Variants in CSMD1 observed in about 807,000 individuals in gnomAD.
The protein encoded by CSMD1 is CUB and Sushi multiple domains 1, also known as CUB and sushi domain-containing protein 1.
Under a neutral mutation model 417.5 loss-of-function variants are expected in CSMD1, and 213 were observed. The observed-to-expected ratio is 0.51, with a 90% CI of 0.46 to 0.57. The LOEUF is 0.57. CSMD1 is among the 20% of genes least tolerant of loss of function. The pLI is 0.00. For synonymous variants in CSMD1, 2,862 were observed against 1,736.8 expected, an observed-to-expected ratio of 1.65 and a Z score of -16.11; for missense variants, 6,923 against 4,529.7, an observed-to-expected ratio of 1.53 and a Z score of -15.17.
At chr8:4,787,358 T>A in intron 1 of CSMD1, 2 of 730,790 alleles carry the variant, frequency 2.7e-6, no homozygotes, top group Non-Finnish European at 5.0e-6. Flanking sequence ...TACTGAACAC[T>A]GGTAAAAAAT....
At chr8:4,154,545 A>G (rs1382739821) in intron 3 of CSMD1, among the ~76,000 whole-genome samples, 1 of 152,208 alleles carries the variant, frequency 6.6e-6, no homozygotes, top group East Asian at 1.9e-4. Context: ...AAGCCAGGAC[A>G]CTATGCTTCT....
At position 4,685,508 on chromosome 8, in the gene CSMD1, G is replaced by A. The variant is rs184231048; in HGVS notation, c.86-47950C>T. Among the ~76,000 whole-genome samples, 7 of 152,072 alleles carry A rather than the reference G, an allele frequency of 4.6e-5. No individual in the cohort carries two copies. In the South Asian group the frequency reaches 6.2e-4, roughly 14 times the overall value. On this transcript the variant is annotated intron_variant, in intron 1 of 69. Transcript: ENST00000635120. The stretch of plus-strand genomic sequence containing the variant: ...GAGAATCGCTTAGAACTCAGGAGGC[G>A]GAGGTTGCAGTGAGTCGAGATCACA...
intron 5 of CSMD1, among the ~76,000 whole-genome samples, chr8:3,859,203 G>C (rs751486489): frequency 6.6e-6 from 1 of 152,150 alleles, no homozygotes; most frequent in African/African-American, 2.4e-5. Context: ...CGTAGCAGAG[G>C]AGTACGTGGG....
intron 18 of CSMD1, among the ~76,000 whole-genome samples, chr8:3,379,477 G>A (rs750195188): frequency 6.6e-5 from 10 of 152,028 alleles, no homozygotes; most frequent in Admixed American, 1.3e-4. Flanking sequence ...TGGAGGCATC[G>A]TGCTACCTGA....
intron 3 of CSMD1, among the ~76,000 whole-genome samples, chr8:4,251,345 T>C (rs1050929196): frequency 2.0e-5 from 3 of 152,144 alleles, no homozygotes; most frequent in Admixed American, 6.5e-5. Flanking sequence ...TTTAATAAAA[T>C]GTAATTTAAG....
At chr8:4,267,282 G>T (rs552948592) in intron 3 of CSMD1, among the ~76,000 whole-genome samples, 1 of 103,304 alleles carries the variant, frequency 9.7e-6, no homozygotes, top group African/African-American at 2.6e-5. Context: ...GTTTTAATAT[G>T]TATTAGCTAT....
intron 26 of CSMD1, among the ~76,000 whole-genome samples, chr8:3,270,976 G>C (rs901401358): frequency 6.0e-5 from 9 of 150,796 alleles, no homozygotes; most frequent in Admixed American, 4.0e-4. Flanking sequence ...TGTGCACAAC[G>C]TACAGGTTAG....
chr8:4,940,425 G>A (rs1350405232), intron 1 of CSMD1, among the ~76,000 whole-genome samples: 1 of 152,192 alleles, frequency 6.6e-6, no homozygotes, highest in Non-Finnish European at 1.5e-5. Context: ...TGTAAAATAT[G>A]TACTTTGATT....
At chr8:4,116,840 A>G (rs1437185383) in intron 3 of CSMD1, among the ~76,000 whole-genome samples, 1 of 151,976 alleles carries the variant, frequency 6.6e-6, no homozygotes, top group African/African-American at 2.4e-5. Context: ...AAAAAAAACA[A>G]AAAGCACCTG....
chr8:4,325,068 G>A (rs1328927953), intron 3 of CSMD1, among the ~76,000 whole-genome samples: 1 of 152,128 alleles, frequency 6.6e-6, no homozygotes, highest in African/African-American at 2.4e-5. Context: ...CGCATCCAGT[G>A]GAGCCAGGAG....
At chr8:4,131,570 T>C (rs76828783) in intron 3 of CSMD1, among the ~76,000 whole-genome samples, 1,803 of 152,270 alleles carry the variant, frequency 0.012, 28 homozygotes, top group African/African-American at 0.041. Flanking sequence ...TTTTCTCATA[T>C]ATTGATAAAC....
At chr8:3,824,607 G>T (rs1469207417) in intron 5 of CSMD1, among the ~76,000 whole-genome samples, 1 of 152,174 alleles carries the variant, frequency 6.6e-6, no homozygotes, top group Non-Finnish European at 1.5e-5. Context: ...CATACGGTAA[G>T]ATATTTTATT....
chr8:4,147,168 C>T (rs922599292), intron 3 of CSMD1, among the ~76,000 whole-genome samples: 5 of 152,082 alleles, frequency 3.3e-5, no homozygotes, highest in Non-Finnish European at 7.4e-5. Flanking sequence ...CTCTCCCCCC[C>T]TGCCCCCACC....
In CSMD1 at chr8:4,049,739, T is replaced by TA. The variant is rs1798325336; in HGVS notation, c.416-17641dup. 2.6e-5 allele frequency among the ~76,000 whole-genome samples: 4 copies of TA among 152,188 alleles called. No homozygotes were observed. The South Asian group carries it at 8.3e-4, about 32-fold the overall frequency. ...TACTTTAAAAATTTGTTTTAAAGTT[T>TA]AAAAATAGTAGAGAATCTCCATAAA... On this transcript the variant is annotated intron_variant, in intron 3 of 69. Coordinates refer to ENST00000635120, the MANE Select transcript of CSMD1 (RefSeq NM_033225.6).
At chr8:3,465,581 C>A (rs1008572364) in intron 12 of CSMD1, among the ~76,000 whole-genome samples, 3 of 152,072 alleles carry the variant, frequency 2.0e-5, no homozygotes, top group African/African-American at 7.3e-5. Flanking sequence ...GTAGCAGAGA[C>A]CGTGAACATC....
chr8:3,678,206 A>C (rs771214527), intron 7 of CSMD1, among the ~76,000 whole-genome samples: 2 of 152,214 alleles, frequency 1.3e-5, no homozygotes, highest in Non-Finnish European at 2.9e-5. Flanking sequence ...TGATGAGCTG[A>C]GAGAAGAAGG....
intron 2 of CSMD1, among the ~76,000 whole-genome samples, chr8:4,446,588 C>A (rs986660422): frequency 1.3e-5 from 2 of 152,106 alleles, no homozygotes; most frequent in African/African-American, 4.8e-5. Context: ...GAGTCTCATT[C>A]TGTCACCCAG....
At chr8:3,139,092 G>A (rs1395091012) in intron 41 of CSMD1, among the ~76,000 whole-genome samples, 1 of 152,100 alleles carries the variant, frequency 6.6e-6, no homozygotes, top group Non-Finnish European at 1.5e-5. Flanking sequence ...AAGCTGGGAA[G>A]CAAAACTGCG....
intron 2 of CSMD1, among the ~76,000 whole-genome samples, chr8:4,511,528 CA>C (rs1266062854): frequency 2.0e-5 from 3 of 152,190 alleles, no homozygotes; most frequent in Non-Finnish European, 4.4e-5. Flanking sequence ...GAAAGCTCCA[CA>C]AACTGAAAGA....
Sources: gnomAD v4.1 joint callset for allele counts (sites outside exome capture counted in the v4.1 genomes callset) on GRCh38, gnomAD v4.1.1 for gene constraint, MANE v1.5 for transcripts, NCBI Gene and HGNC (gene_info 2026-07-23, HGNC 2026-07-21) for gene names.